The following SPON1 variants were observed in gnomAD, a reference collection of about 807,000 sequenced individuals.
The protein encoded by SPON1 is spondin-1.
A neutral mutation model predicts 111.7 loss-of-function variants in SPON1; 52 were observed. That is an observed-to-expected ratio of 0.47 (90% CI 0.37 to 0.59). SPON1 has a LOEUF of 0.59. Ranked by LOEUF, SPON1 falls within the 20% of genes least tolerant of loss-of-function variation. The pLI, the probability that SPON1 is intolerant of heterozygous loss-of-function variation, is 0.00. For missense variants in SPON1, 957 were observed against 1,068.5 expected (o/e 0.90, Z 1.46); for synonymous variants, 410 against 395.8 (o/e 1.04, Z -0.43).
intron 6 of SPON1, among the ~76,000 whole-genome samples, chr11:14,189,317 G>A (rs993180211): frequency 6.6e-6 from 1 of 152,248 alleles, no homozygotes; most frequent in African/African-American, 2.4e-5. Flanking sequence ...TCTTTTCTTC[G>A]ATTCATCACC....
At chr11:14,253,121 C>A (rs141736027) in intron 7 of SPON1, among the ~76,000 whole-genome samples, 1 of 152,178 alleles carries the variant, frequency 6.6e-6, no homozygotes, top group Non-Finnish European at 1.5e-5. Context: ...GGAGGCAGCA[C>A]CAGGACCTTG....
chr11:14,156,242 C>T (rs1847844566), intron 6 of SPON1, among the ~76,000 whole-genome samples: 1 of 146,600 alleles, frequency 6.8e-6, no homozygotes, highest in African/African-American at 2.5e-5. Flanking sequence ...CTCTGATGGC[C>T]GTGATGGTGA....
At chr11:14,126,919 C>A (rs1437279353) in intron 5 of SPON1, among the ~76,000 whole-genome samples, 1 of 152,128 alleles carries the variant, frequency 6.6e-6, no homozygotes, top group South Asian at 2.1e-4. Context: ...TCTGCAGGCC[C>A]CAGATCAGAG....
intron 5 of SPON1, among the ~76,000 whole-genome samples, chr11:14,102,155 T>TA (rs1193946465): frequency 1.3e-5 from 2 of 151,190 alleles, no homozygotes; most frequent in African/African-American, 2.5e-5. Flanking sequence ...TAAAATACTA[T>TA]AATCTAATCT....
chr11:13,966,718 C>T (rs1361944668), intron 1 of SPON1, among the ~76,000 whole-genome samples: 3 of 152,166 alleles, frequency 2.0e-5, no homozygotes, highest in Non-Finnish European at 4.4e-5. Context: ...GACACCTCAG[C>T]CTGGTGGAAA....
At chr11:14,200,569 T>C (rs782491352) in intron 6 of SPON1, among the ~76,000 whole-genome samples, 40 of 152,138 alleles carry the variant, frequency 2.6e-4, no homozygotes, top group African/African-American at 4.6e-4. Context: ...AAAGGATTCA[T>C]AGGAGAGAGG....
intron 1 of SPON1, among the ~76,000 whole-genome samples, chr11:13,980,010 C>T (rs1441093150): frequency 6.6e-6 from 1 of 151,860 alleles, no homozygotes; most frequent in Non-Finnish European, 1.5e-5. Context: ...TTTTCTTACT[C>T]TTCTTTGCTT....
intron 7 of SPON1, among the ~76,000 whole-genome samples, chr11:14,252,131 G>A (rs731274): frequency 0.15 from 22,706 of 152,144 alleles, 1,913 homozygotes; most frequent in African/African-American, 0.2. Context: ...TGTTCAGTCG[G>A]CCCACTGGAC....
chr11:14,186,403 G>T (rs1848285630), intron 6 of SPON1, among the ~76,000 whole-genome samples: 1 of 152,246 alleles, frequency 6.6e-6, no homozygotes, highest in South Asian at 2.1e-4. Flanking sequence ...ATTTGGATTG[G>T]CAGGGAGAGG....
chr11:14,141,899 A>C (rs1335233990), intron 6 of SPON1, among the ~76,000 whole-genome samples: 1 of 151,926 alleles, frequency 6.6e-6, no homozygotes, highest in Non-Finnish European at 1.5e-5. Flanking sequence ...ACACACACAC[A>C]CCCCACCAGC....
At chr11:14,065,535 C>T (rs189743005) in intron 3 of SPON1, among the ~76,000 whole-genome samples, 1 of 152,272 alleles carries the variant, frequency 6.6e-6, no homozygotes, top group African/African-American at 2.4e-5. Context: ...GAGACAGGTT[C>T]TATTTTGGAT....
chr11:14,049,567 C>G (rs1279434500), intron 3 of SPON1, among the ~76,000 whole-genome samples: 1 of 152,168 alleles, frequency 6.6e-6, no homozygotes, highest in African/African-American at 2.4e-5. Context: ...AACTCTGAAT[C>G]CTCCCTAGCC....
chr11:14,037,621 T>TA (rs1182665053), intron 2 of SPON1, among the ~76,000 whole-genome samples: 1 of 151,314 alleles, frequency 6.6e-6, no homozygotes, highest in Non-Finnish European at 1.5e-5. Context: ...TGCAGAACTA[T>TA]AAAACTCCTA....
Position 14,260,591 on chromosome 11 carries a change from C to A in SPON1, c.1835C>A (p.Thr612Asn). The change falls in exon 14 of 16, where the codon ACC becomes AAC. Residue 612 changes from threonine (T) to asparagine (N), a missense_variant. By Grantham distance (65) the Thr-to-Asn change is moderately conservative. This residue lies in a region of SPON1 where 549 missense variants were observed against 606.2 expected (regional missense o/e 0.91). Transcript: ENST00000576479. Reference protein sequence around the residue: ...AEKCMMPECHTIPCLLSPWSE... With the variant: ...AEKCMMPECHNIPCLLSPWSE... ...GCAAACCTGGTTCTTGATCTAGACA[C>A]CATCCCATGCTTGCTGTCCCCATGG... 1.5e-5 allele frequency: 25 copies of A among 1,613,182 alleles called. No individual in the cohort carries two copies. Among genetic ancestry groups the A allele is most frequent in the Non-Finnish European group, 2.1e-5 (25 of 1,179,394 alleles).
intron 2 of SPON1, among the ~76,000 whole-genome samples, 153 bp from the exon 3 acceptor site, chr11:14,041,368 T>G (rs1355239302): frequency 5.3e-5 from 8 of 152,202 alleles, no homozygotes; most frequent in African/African-American, 1.7e-4. Context: ...GACTGGGACT[T>G]TATGCCAAGC....
At chr11:14,242,638 A>AT (rs1554939802) in intron 6 of SPON1, among the ~76,000 whole-genome samples, 1 of 152,228 alleles carries the variant, frequency 6.6e-6, no homozygotes. Context: ...CAAAGTTCTG[A>AT]TTTTTGCCCT....
chr11:14,266,734 G>A lies in SPON1; in HGVS notation c.*1047G>A, dbSNP rs1849274351. On this transcript the variant is annotated 3_prime_UTR_variant, in exon 16 of 16. Coordinates refer to ENST00000576479, the MANE Select transcript of SPON1 (RefSeq NM_006108.4). ...TTAGTCATGAAATTTTATATGCAGAGAGAAAAAGTTACCGAGACAGAAAAC... is the reference window on the plus strand; with the variant it reads ...TTAGTCATGAAATTTTATATGCAGAAAGAAAAAGTTACCGAGACAGAAAAC... The A allele has an allele frequency of 6.6e-6, 1 of 152,104 alleles. No homozygotes were observed. The highest frequency in any genetic ancestry group is 2.4e-5 in the African/African-American group (1 of 41,424). The allele number at this position is 152,104 out of a possible 1,614,324, so 9.4% of individuals were successfully genotyped here.
rs1849273662 is a variant in SPON1, at chr11:14,266,694, T to C, written c.*1007T>C. The C allele has an allele frequency of 6.6e-6, 1 of 152,222 alleles. No homozygotes were observed. The highest frequency in any genetic ancestry group is 1.5e-5 in the Non-Finnish European group (1 of 68,038). 9.4% of individuals were successfully genotyped at this position (152,222 alleles called of 1,614,324 possible). On this transcript the variant is annotated 3_prime_UTR_variant, in exon 16 of 16. Transcript: ENST00000576479. The stretch of plus-strand genomic sequence containing the variant: ...TTCCTTCAACAAAATACAATCTCTG[T>C]ACTTTAAAGTTATTTTAGTCATGAA...
chr11:14,010,993 C>T (rs973637607), intron 2 of SPON1, among the ~76,000 whole-genome samples: 6 of 152,186 alleles, frequency 3.9e-5, no homozygotes, highest in Admixed American at 2.6e-4. Flanking sequence ...TAACATTCCC[C>T]GCTTTTTTTC....
Sources: gnomAD v4.1 joint callset for allele counts (sites outside exome capture counted in the v4.1 genomes callset) on GRCh38, gnomAD v4.1.1 for gene constraint, gnomAD v4.1.1 regional missense constraint, MANE v1.5 for transcripts, NCBI Gene and HGNC (gene_info 2026-07-23, HGNC 2026-07-21) for gene names.